Variants in PPP2R2C observed in about 807,000 individuals in gnomAD.
PPP2R2C encodes protein phosphatase 2 regulatory subunit Bgamma, also known as protein phosphatase 2, regulatory subunit B, gamma.
In PPP2R2C, 10 loss-of-function variants were observed where a neutral mutation model predicts 45.3. That is an observed-to-expected ratio of 0.22 (90% CI 0.14 to 0.37). PPP2R2C has a LOEUF of 0.37. Ranked by LOEUF, PPP2R2C falls within the 10% of genes least tolerant of loss-of-function variation. PPP2R2C has a pLI of 1.00. For missense variants in PPP2R2C, 308 were observed against 619.7 expected (o/e 0.50, Z 5.34); for synonymous variants, 257 against 245.4 (o/e 1.05, Z -0.44).
intron 2 of PPP2R2C, among the ~76,000 whole-genome samples, chr4:6,524,852 G>T (rs1724145059): frequency 6.6e-6 from 1 of 152,220 alleles, no homozygotes; most frequent in Admixed American, 6.5e-5. Flanking sequence ...ACTTTGGGAG[G>T]CTGAGGTGGG....
intron 1 of PPP2R2C, among the ~76,000 whole-genome samples, chr4:6,394,372 A>G (rs1056573091): frequency 6.6e-6 from 1 of 152,268 alleles, no homozygotes; most frequent in Non-Finnish European, 1.5e-5. Flanking sequence ...AGAAACTGCT[A>G]GAAATTGTTG....
At chr4:6,438,297 TTAA>T (rs1719989594) in intron 1 of PPP2R2C, among the ~76,000 whole-genome samples, 1 of 152,216 alleles carries the variant, frequency 6.6e-6, no homozygotes, top group African/African-American at 2.4e-5. Flanking sequence ...TCTCAGTGTG[TTAA>T]TGTTTTGTGC....
chr4:6,535,259 C>G, intron 2 of PPP2R2C: 1 of 1,535,346 alleles, frequency 6.5e-7, no homozygotes, highest in Non-Finnish European at 8.7e-7. Context: ...GCTGTGAGAA[C>G]GGGCTTCTTA....
At chr4:6,513,406 C>A (rs544417731) in intron 2 of PPP2R2C, among the ~76,000 whole-genome samples, 1 of 152,212 alleles carries the variant, frequency 6.6e-6, no homozygotes, top group East Asian at 1.9e-4. Flanking sequence ...GGCAGAGAGA[C>A]AGTGTGTGTC....
chr4:6,543,732 C>T (rs771656755), intron 1 of PPP2R2C, among the ~76,000 whole-genome samples: 28 of 152,196 alleles, frequency 1.8e-4, no homozygotes, highest in Non-Finnish European at 3.8e-4. Flanking sequence ...AGGAAACAGG[C>T]TCCCTTGCCC....
intron 1 of PPP2R2C, among the ~76,000 whole-genome samples, chr4:6,437,153 CTG>C (rs1274300533): frequency 1.3e-5 from 2 of 152,220 alleles, no homozygotes; most frequent in Non-Finnish European, 2.9e-5. Flanking sequence ...TCATGGTGCA[CTG>C]TGTCTTGCTT....
intron 5 of PPP2R2C, among the ~76,000 whole-genome samples, chr4:6,354,146 G>A (rs1315500481): frequency 6.6e-6 from 1 of 150,752 alleles, no homozygotes; most frequent in Non-Finnish European, 1.5e-5. Context: ...GTCCCCATGG[G>A]GGTCCGTGCC....
At chr4:6,521,305 A>G (rs1036874214) in intron 2 of PPP2R2C, among the ~76,000 whole-genome samples, 2 of 152,152 alleles carry the variant, frequency 1.3e-5, no homozygotes, top group African/African-American at 4.8e-5. Context: ...CTGGTCGTAA[A>G]CCACTGCTCA....
chr4:6,522,144 G>C (rs891922031), intron 2 of PPP2R2C, among the ~76,000 whole-genome samples: 3 of 152,282 alleles, frequency 2.0e-5, no homozygotes, highest in African/African-American at 7.2e-5. Flanking sequence ...CCACTCTCCT[G>C]CCTTCTCCCT....
intron 5 of PPP2R2C, among the ~76,000 whole-genome samples, chr4:6,355,518 TA>T (rs569352630): frequency 2.7e-5 from 1 of 37,474 alleles, no homozygotes; most frequent in Non-Finnish European, 6.5e-5. Flanking sequence ...TAAAGTATAA[TA>T]AAAAAAAGAA....
rs1333010554 is a variant in PPP2R2C, at chr4:6,330,048, C to T, written c.961-695G>A. ...CCATCCACAGCACGAGGCACTGAGG[C>T]TCACAGGGTCACACAGCCTCTAAGA... On this transcript the variant is annotated intron_variant, in intron 7 of 8. Transcript: ENST00000382599. This position sits in a 1 kb window ranked among gnomAD's most constrained non-coding sequence, Gnocchi z 7.0. 2.0e-5 allele frequency among the ~76,000 whole-genome samples: 3 copies of T among 152,074 alleles called. No homozygotes were observed. Among genetic ancestry groups the T allele is most frequent in the African/African-American group, 7.2e-5 (3 of 41,412 alleles).
intron 1 of PPP2R2C, among the ~76,000 whole-genome samples, chr4:6,455,099 G>A (rs920262843): frequency 2.0e-5 from 3 of 152,162 alleles, no homozygotes; most frequent in Admixed American, 2.0e-4. Context: ...AAGAGACATA[G>A]AGACTGATGG....
chr4:6,418,405 C>T (rs1010614174), intron 1 of PPP2R2C, among the ~76,000 whole-genome samples: 6 of 152,222 alleles, frequency 3.9e-5, no homozygotes, highest in African/African-American at 1.4e-4. Flanking sequence ...ACAGCTGCTG[C>T]CACGCAGCAA....
At chr4:6,525,501 T>TA (rs141263483) in intron 2 of PPP2R2C, among the ~76,000 whole-genome samples, 39,438 of 150,998 alleles carry the variant, frequency 0.26, 5,336 homozygotes, top group East Asian at 0.43. Context: ...AGAGAAACCT[T>TA]AAAAAAAAAC....
At position 6,381,708 on chromosome 4, in the gene PPP2R2C, C is replaced by G. The variant is rs563278984; in HGVS notation, c.71-614G>C. On this transcript the variant is annotated intron_variant, in intron 1 of 8. Transcript: ENST00000382599. ...TCAGCCCTGCCTGCCCTGACCCTCC[C>G]TGCACTTCATCCCAACCATGTTTCT... 41 of 1,566,744 alleles carry G rather than the reference C, an allele frequency of 2.6e-5. No individual in the cohort carries two copies. In the East Asian group the frequency reaches 7.9e-4, roughly 30 times the overall value.
At chr4:6,523,436 C>T (rs7676183) in intron 2 of PPP2R2C, 69,841 of 151,874 alleles carry the variant, frequency 0.46, 16,579 homozygotes, top group African/African-American at 0.55. Context: ...TGGCCTTGGA[C>T]ACATACATTT....
intron 2 of PPP2R2C, among the ~76,000 whole-genome samples, chr4:6,526,265 G>A (rs538488524): frequency 1.8e-4 from 28 of 152,292 alleles, no homozygotes; most frequent in East Asian, 1.4e-3. Flanking sequence ...TAGCTAACCC[G>A]TTCATCATAA....
rs142926128 is a variant in PPP2R2C, at chr4:6,478,590, G to A, written c.49+56681C>T. Among the ~76,000 whole-genome samples, 27 of 152,320 alleles carry A rather than the reference G, an allele frequency of 1.8e-4. No homozygotes were observed. In the East Asian group the frequency reaches 4.6e-3, roughly 26 times the overall value. ...GATATGTTTTGTCACTGAGAGTTGTGGGTTGTTGGTGACAGCAGCACATCC... is the reference window on the plus strand; with the variant it reads ...GATATGTTTTGTCACTGAGAGTTGTAGGTTGTTGGTGACAGCAGCACATCC... On this transcript the variant is annotated intron_variant, in intron 2 of 9. Coordinates refer to the PPP2R2C transcript ENST00000506140.
At position 6,330,160 on chromosome 4, in the gene PPP2R2C, G is replaced by A. The variant is rs191900867; in HGVS notation, c.961-807C>T. ...GACCTGCATCCACCTGACTGCAGCC[G>A]GTCCTACAAGCCCTGTACCCGGAGG... On this transcript the variant is annotated intron_variant, in intron 7 of 8. Coordinates refer to ENST00000382599, the MANE Select transcript of PPP2R2C (RefSeq NM_020416.4). This position sits in a 1 kb window ranked among gnomAD's most constrained non-coding sequence, Gnocchi z 7.0. 2.5e-3 allele frequency among the ~76,000 whole-genome samples: 374 copies of A among 152,242 alleles called. 1 individual carries two copies. Among genetic ancestry groups the A allele is most frequent in the African/African-American group, 7.9e-3 (330 of 41,546 alleles).
Sources: allele counts gnomAD v4.1 joint callset (sites outside exome capture counted in the v4.1 genomes callset), GRCh38; gene constraint gnomAD v4.1.1; non-coding constraint Gnocchi (gnomAD v3.1); transcripts MANE v1.5; gene names NCBI Gene and HGNC (gene_info 2026-07-23, HGNC 2026-07-21).